Variants in CDYL observed in about 807,000 individuals in gnomAD.
The protein encoded by CDYL is chromodomain Y-like protein.
In CDYL, 8 loss-of-function variants were observed where a neutral mutation model predicts 47.3. The ratio of observed to expected loss-of-function variants is 0.17; its 90% CI spans 0.10 to 0.31. The LOEUF (loss-of-function observed/expected upper bound fraction) is 0.31, where lower values mean the gene tolerates loss of function less well. Ranked by LOEUF, CDYL falls within the 10% of genes least tolerant of loss-of-function variation. CDYL has a pLI of 1.00. For missense variants in CDYL, 471 were observed against 701.4 expected, an observed-to-expected ratio of 0.67 and a Z score of 3.71; for synonymous variants, 266 against 265.0, an observed-to-expected ratio of 1.00 and a Z score of -0.04.
chr6:4,891,559 C>G (rs1762040138), intron 1 of CDYL, among the ~76,000 whole-genome samples, 154 bp from the exon 2 acceptor site: 1 of 152,154 alleles, frequency 6.6e-6, no homozygotes, highest in South Asian at 2.1e-4. Flanking sequence ...TGTCCACAAC[C>G]CAAATGGCCT....
chr6:4,928,115 A>C (rs990937875), intron 2 of CDYL, among the ~76,000 whole-genome samples: 3 of 152,234 alleles, frequency 2.0e-5, no homozygotes, highest in Non-Finnish European at 4.4e-5. Flanking sequence ...TCTTTTCAAA[A>C]AAATTTTAGC....
rs145410019 is a variant in CDYL at position 4,740,676 on chromosome 6, G to A, written c.186+5832G>A. Among the ~76,000 whole-genome samples the A allele has an allele frequency of 7.2e-4, 110 of 152,226 alleles. 1 individual carries two copies. The South Asian group carries it at 0.016, about 22-fold the overall frequency. ...TCTAATACTGGACACTGACTAGACC[G>A]GAGAGTGTGGGTGATAGAGCTGCTT... On this transcript the variant is annotated intron_variant, in intron 3 of 8. Coordinates refer to the CDYL transcript ENST00000328908.
At chr6:4,785,018 T>C (rs1483792810) in intron 1 of CDYL, among the ~76,000 whole-genome samples, 1 of 152,194 alleles carries the variant, frequency 6.6e-6, no homozygotes, top group African/African-American at 2.4e-5. Flanking sequence ...TTAAACTCGT[T>C]TCCTTTATAA....
intron 1 of CDYL, among the ~76,000 whole-genome samples, chr6:4,803,280 A>G (rs1405847141): frequency 1.3e-5 from 2 of 152,120 alleles, no homozygotes; most frequent in Admixed American, 1.3e-4. Flanking sequence ...CCCTGTTGCT[A>G]TCCTCTGCTT....
intron 3 of CDYL, among the ~76,000 whole-genome samples, chr6:4,748,614 A>G (rs1386219645): frequency 6.6e-6 from 1 of 151,346 alleles, no homozygotes; most frequent in Non-Finnish European, 1.5e-5. Context: ...GGGGACCAGG[A>G]TAGGAAGACA....
At chr6:4,834,793 A>G (rs549248992) in intron 1 of CDYL, among the ~76,000 whole-genome samples, 1 of 151,606 alleles carries the variant, frequency 6.6e-6, no homozygotes, top group South Asian at 2.1e-4. Context: ...TTTTTTCTCT[A>G]AACTTCCTTT....
At chr6:4,801,840 T>C (rs1759234540) in intron 1 of CDYL, among the ~76,000 whole-genome samples, 2 of 152,206 alleles carry the variant, frequency 1.3e-5, no homozygotes, top group African/African-American at 4.8e-5. Flanking sequence ...TTTGGCTCCA[T>C]GTTACTCTTT....
chr6:4,864,433 A>T (rs1761263068), intron 1 of CDYL, among the ~76,000 whole-genome samples: 1 of 152,214 alleles, frequency 6.6e-6, no homozygotes, highest in South Asian at 2.1e-4. Flanking sequence ...GGTGATCAGG[A>T]ATAATATTTT....
intron 1 of CDYL, among the ~76,000 whole-genome samples, chr6:4,877,657 C>G (rs1211510734): frequency 6.6e-6 from 1 of 152,200 alleles, no homozygotes; most frequent in African/African-American, 2.4e-5. Flanking sequence ...AAATCTATTT[C>G]TGGTGCTCTC....
intron 1 of CDYL, among the ~76,000 whole-genome samples, chr6:4,861,525 A>G (rs1761169388): frequency 6.6e-6 from 1 of 152,224 alleles, no homozygotes; most frequent in African/African-American, 2.4e-5. Context: ...CTCAAGAAGT[A>G]GGGGGAAGAG....
intron 1 of CDYL, among the ~76,000 whole-genome samples, chr6:4,711,230 G>A (rs375354939): frequency 1.3e-5 from 2 of 152,214 alleles, no homozygotes; most frequent in Admixed American, 6.5e-5. Context: ...GTTTGCTAAT[G>A]GAATGCTTTT....
At chr6:4,797,696 T>G (rs992634714) in intron 1 of CDYL, among the ~76,000 whole-genome samples, 19 of 152,218 alleles carry the variant, frequency 1.2e-4, no homozygotes, top group African/African-American at 3.9e-4. Flanking sequence ...AACATACATT[T>G]TGTGTCTGAC....
chr6:4,719,504 AAGCTGCCTACT>A (rs1333033893), intron 2 of CDYL, among the ~76,000 whole-genome samples: 1 of 152,272 alleles, frequency 6.6e-6, no homozygotes, highest in East Asian at 1.9e-4. Flanking sequence ...TGCAAGGCCT[AAGCTGCCTACT>A]AGCTGCCTAT....
chr6:4,718,804 C>T (rs77423747), intron 2 of CDYL, among the ~76,000 whole-genome samples: 2,862 of 151,948 alleles, frequency 0.019, 103 homozygotes, highest in African/African-American at 0.066. Context: ...GTATCATGGC[C>T]TTTTTTGACA....
intron 1 of CDYL, 76 bp downstream of exon 1, chr6:4,776,883 C>G (rs1335598797): frequency 2.9e-6 from 2 of 681,676 alleles, no homozygotes; most frequent in Non-Finnish European, 3.6e-6. Context: ...GCCCGACGGC[C>G]CCGCTCGCCG....
chr6:4,819,159 TCTC>T, intron 1 of CDYL, among the ~76,000 whole-genome samples: 1 of 130,672 alleles, frequency 7.7e-6, no homozygotes, highest in East Asian at 2.0e-4. Context: ...TCTCTCTCTC[TCTC>T]TGTGTGTGTG....
chr6:4,748,507 A>G (rs2127419163), intron 3 of CDYL, among the ~76,000 whole-genome samples: 1 of 152,268 alleles, frequency 6.6e-6, no homozygotes, highest in African/African-American at 2.4e-5. Flanking sequence ...GAATAGGAGC[A>G]AAACAGGAGT....
chr6:4,893,381 T>C (rs1762106008), intron 2 of CDYL, among the ~76,000 whole-genome samples: 1 of 152,168 alleles, frequency 6.6e-6, no homozygotes, highest in South Asian at 2.1e-4. Context: ...CTCTCTCCCT[T>C]CTGAGTTGTA....
chr6:4,944,193 T>G (rs1758445944), intron 5 of CDYL, among the ~76,000 whole-genome samples: 1 of 152,198 alleles, frequency 6.6e-6, no homozygotes, highest in Admixed American at 6.5e-5. Context: ...TAGTTTGTGT[T>G]TGTATTGTAG....
Sources: gnomAD v4.1 joint callset for allele counts (sites outside exome capture counted in the v4.1 genomes callset) on GRCh38, gnomAD v4.1.1 for gene constraint, MANE v1.5 for transcripts, NCBI Gene and HGNC (gene_info 2026-07-23, HGNC 2026-07-21) for gene names.